IKZF2: variants seen among roughly 807,000 people sequenced by gnomAD.
IKZF2 encodes zinc finger protein Helios.
In IKZF2, 15 loss-of-function variants were observed where a neutral mutation model predicts 49.2. The observed-to-expected ratio is 0.30, with a 90% confidence interval of 0.20 to 0.47. The LOEUF (loss-of-function observed/expected upper bound fraction) is 0.47. IKZF2 is among the 20% of genes least tolerant of loss of function. The pLI, the probability that IKZF2 is intolerant of heterozygous loss-of-function variation, is 1.00. For missense variants in IKZF2, 567 were observed against 664.6 expected (o/e 0.85, Z 1.61); for synonymous variants, 227 against 221.4 (o/e 1.03, Z -0.23).
chr2:213,105,201 A>G (rs1040633460), intron 4 of IKZF2, among the ~76,000 whole-genome samples: 6 of 151,804 alleles, frequency 4.0e-5, no homozygotes, highest in Middle Eastern at 3.2e-3. Context: ...AAAAGGTTTG[A>G]CTCCTCTTCT....
chr2:213,103,315 T>C (rs1432790634), intron 4 of IKZF2, among the ~76,000 whole-genome samples: 1 of 152,114 alleles, frequency 6.6e-6, no homozygotes, highest in Non-Finnish European at 1.5e-5. Context: ...ATTTGAACCA[T>C]TGCAGACTGT....
intron 6 of IKZF2, among the ~76,000 whole-genome samples, chr2:213,042,694 T>G (rs141805360): frequency 6.6e-6 from 1 of 152,056 alleles, no homozygotes; most frequent in Non-Finnish European, 1.5e-5. Flanking sequence ...TAAAAATGAA[T>G]AGAAGTCTGA....
intron 6 of IKZF2, among the ~76,000 whole-genome samples, chr2:213,034,430 G>T (rs1398156533): frequency 1.3e-5 from 2 of 152,170 alleles, no homozygotes; most frequent in Non-Finnish European, 2.9e-5. Flanking sequence ...TCTAGCTTTT[G>T]ATTTAAAGTG....
At position 213,002,888 on chromosome 2, in the gene IKZF2, AC is replaced by A. The variant is rs993211102; in HGVS notation, c.*4471del. ...ATACAGAACTTATTCTTCCTTAAAA[AC>A]AAAACAAAAACACAAATTATAATTC... On this transcript the variant is annotated 3_prime_UTR_variant, in exon 9 of 9. Transcript: ENST00000434687. 5 of 151,994 alleles carry A rather than the reference AC, an allele frequency of 3.3e-5. No individual in the cohort carries two copies. Among genetic ancestry groups the A allele is most frequent in the African/African-American group, 1.2e-4 (5 of 41,412 alleles). The allele number at this position is 151,994 out of a possible 1,614,324, so 9.4% of individuals were successfully genotyped here.
intron 3 of IKZF2, 81 bp from the exon 4 acceptor site, chr2:213,147,893 A>G (rs1206601992): frequency 4.3e-6 from 4 of 929,410 alleles, no homozygotes; most frequent in Admixed American, 3.7e-5. Flanking sequence ...TATACACGCA[A>G]TGGCATGCAT....
chr2:213,045,983 G>A (rs927918328), intron 6 of IKZF2, among the ~76,000 whole-genome samples: 5 of 152,108 alleles, frequency 3.3e-5, no homozygotes, highest in African/African-American at 1.2e-4. Context: ...AATGATTTTT[G>A]GAAATGTCTG....
At chr2:213,074,450 A>G (rs1424343307) in intron 4 of IKZF2, among the ~76,000 whole-genome samples, 3 of 152,166 alleles carry the variant, frequency 2.0e-5, no homozygotes, top group Non-Finnish European at 2.9e-5. Context: ...TCTTAAAAAT[A>G]CCCTATTTAT....
intron 4 of IKZF2, among the ~76,000 whole-genome samples, chr2:213,143,296 T>C (rs1181591479): frequency 6.6e-6 from 1 of 151,882 alleles, no homozygotes; most frequent in African/African-American, 2.4e-5. Context: ...AAGATAGAGA[T>C]GATAAGGATA....
intron 4 of IKZF2, among the ~76,000 whole-genome samples, chr2:213,133,734 A>AT (rs3069615): frequency 2.0e-5 from 3 of 150,824 alleles, no homozygotes; most frequent in Non-Finnish European, 4.4e-5. Context: ...AAATAAATAA[A>AT]ATAAATATTC....
intron 4 of IKZF2, among the ~76,000 whole-genome samples, chr2:213,093,953 C>A (rs1298150774): frequency 6.6e-6 from 1 of 152,010 alleles, no homozygotes; most frequent in Non-Finnish European, 1.5e-5. Context: ...GTAAAAGTTT[C>A]AAGGAGGAAT....
At chr2:213,110,258 G>A (rs574318767) in intron 4 of IKZF2, among the ~76,000 whole-genome samples, 257 of 152,036 alleles carry the variant, frequency 1.7e-3, no homozygotes, top group Middle Eastern at 6.8e-3. Flanking sequence ...AAGTATAAAA[G>A]TATATCTAGT....
At chr2:213,085,306 G>A (rs1704458087) in intron 4 of IKZF2, among the ~76,000 whole-genome samples, 1 of 152,040 alleles carries the variant, frequency 6.6e-6, no homozygotes, top group South Asian at 2.1e-4. Flanking sequence ...AAAGCCTTTT[G>A]GACACATGTT....
chr2:213,030,685 A>G (rs1247295548), intron 6 of IKZF2, among the ~76,000 whole-genome samples: 2 of 152,162 alleles, frequency 1.3e-5, no homozygotes, highest in Non-Finnish European at 2.9e-5. Context: ...AACTAAATAT[A>G]GTACAATTTT....
At chr2:213,043,892 C>T (rs528623671) in intron 6 of IKZF2, among the ~76,000 whole-genome samples, 31 of 152,340 alleles carry the variant, frequency 2.0e-4, no homozygotes, top group Admixed American at 5.2e-4. Flanking sequence ...AGGACCCCTG[C>T]TCTATACTAG....
intron 5 of IKZF2, among the ~76,000 whole-genome samples, chr2:213,054,048 T>A (rs1365853790): frequency 4.6e-5 from 7 of 151,758 alleles, no homozygotes; most frequent in Non-Finnish European, 8.8e-5. Context: ...AGGTCAGGAG[T>A]TTGAGACCAA....
At chr2:213,142,486 T>C (rs13427430) in intron 4 of IKZF2, among the ~76,000 whole-genome samples, 8 of 151,954 alleles carry the variant, frequency 5.3e-5, no homozygotes, top group African/African-American at 1.2e-4. Flanking sequence ...CTCTGAGTAA[T>C]AGCAGCAGTG....
Position 213,147,725 on chromosome 2 carries a change from G to T in IKZF2, c.122C>A (p.Pro41Gln). The T allele has an allele frequency of 6.2e-7, 1 of 1,613,350 alleles. No homozygotes were observed. The highest frequency in any genetic ancestry group is 8.5e-7 in the Non-Finnish European group (1 of 1,179,308). ...AGACTTACTGCTTGTCATGTGACTT[G>T]GTGAGGCATGCTGTCCATTGGGTGT... ...SSTPNGQHASPSHMTSTNSVK... is the reference protein window; with the variant it reads ...SSTPNGQHASQSHMTSTNSVK... Residue 41 changes from proline to glutamine, a missense_variant, in exon 4 of 9, where the codon CCA becomes CAA. This residue lies in a region of IKZF2 where 156 missense variants were observed against 138.5 expected (regional missense o/e 1.13). Coordinates refer to ENST00000434687, the MANE Select transcript of IKZF2 (RefSeq NM_001387220.1).
At chr2:213,045,450 C>T (rs1176685561) in intron 6 of IKZF2, among the ~76,000 whole-genome samples, 3 of 152,174 alleles carry the variant, frequency 2.0e-5, no homozygotes, top group Non-Finnish European at 2.9e-5. Flanking sequence ...CATACTTTTA[C>T]TCTCTTACCT....
At chr2:213,150,762 CCAA>C (rs1384018221) in intron 1 of IKZF2, among the ~76,000 whole-genome samples, 3 of 151,006 alleles carry the variant, frequency 2.0e-5, no homozygotes, top group Non-Finnish European at 4.4e-5. Context: ...GGAACCCAGG[CCAA>C]CTTCACAGGA....
Sources: allele counts gnomAD v4.1 joint callset (sites outside exome capture counted in the v4.1 genomes callset), GRCh38; gene constraint gnomAD v4.1.1; regional missense constraint gnomAD v4.1.1; transcripts MANE v1.5; gene names NCBI Gene and HGNC (gene_info 2026-07-23, HGNC 2026-07-21).